The following SYTL5 variants were observed in gnomAD, a reference collection of about 807,000 sequenced individuals.
SYTL5 encodes the protein synaptotagmin-like protein 5.
A neutral mutation model predicts 55.9 loss-of-function variants in SYTL5; 34 were observed. The ratio of observed to expected loss-of-function variants is 0.61; its 90% CI spans 0.46 to 0.81. The LOEUF is 0.81. Among genes scored for constraint, SYTL5 ranks in the 30% least tolerant of loss-of-function variants. The pLI, the probability that SYTL5 is intolerant of heterozygous loss-of-function variation, is 0.00. For missense variants in SYTL5, 637 were observed against 546.7 expected (o/e 1.17, Z -1.65); for synonymous variants, 221 against 188.7 (o/e 1.17, Z -1.40).
the SYTL5 span, among the ~76,000 whole-genome samples, chrX:37,973,982 T>C: frequency 9.0e-6 from 1 of 111,645 alleles, no homozygotes. Context: ...ATTTCACTTA[T>C]ATGTAGAATC....
intron 1 of SYTL5, among the ~76,000 whole-genome samples, chrX:38,019,200 C>A (rs943367521): frequency 8.9e-6 from 1 of 112,238 alleles, no homozygotes; most frequent in Non-Finnish European, 1.9e-5. Context: ...CACTCAGCCT[C>A]TTTCGCTGTG....
the SYTL5 span, among the ~76,000 whole-genome samples, chrX:37,960,024 G>T: frequency 9.0e-6 from 1 of 111,706 alleles, no homozygotes; most frequent in Non-Finnish European, 1.9e-5. Context: ...AGCATCTTGT[G>T]CCACAGCTGT....
In SYTL5 at chrX:38,126,797, A is replaced by G; in HGVS notation, c.*67A>G. 9.3e-7 allele frequency: 1 copy of G among 1,074,410 alleles called. No homozygotes were observed. The highest frequency in any genetic ancestry group is 1.3e-6 in the Non-Finnish European group (1 of 799,129). The allele number at this position is 1,074,410 out of a possible 1,213,427, so 88.5% of individuals were successfully genotyped here. The stretch of plus-strand genomic sequence containing the variant: ...GGCTGTCTTTTCCTACCATTAGCAA[A>G]CTGAGACCTGGGATTCTGCTTCCCT... On this transcript the variant is annotated 3_prime_UTR_variant, in exon 17 of 17. Coordinates refer to ENST00000297875, the MANE Select transcript of SYTL5 (RefSeq NM_138780.3).
intron 1 of SYTL5, among the ~76,000 whole-genome samples, chrX:38,030,768 G>C (rs1242994829): frequency 8.9e-6 from 1 of 112,322 alleles, no homozygotes; most frequent in Non-Finnish European, 1.9e-5. Flanking sequence ...GCATTGGGCA[G>C]TTTCCATTGC....
rs781238077 is a variant in SYTL5, at chrX:38,110,317, G to A, written c.1435-4G>A. 1.7e-5 allele frequency: 20 copies of A among 1,187,242 alleles called. No individual in the cohort carries two copies. Among genetic ancestry groups the A allele is most frequent in the Middle Eastern group, 2.3e-4 (1 of 4,293 alleles). On this transcript the variant is annotated splice_region_variant and splice_polypyrimidine_tract_variant and intron_variant, in intron 12 of 16. Transcript: ENST00000297875. Reference sequence around the variant, plus strand: ...GAGTGTAATGTTGTAAATCTCATTCGCAGTACACTATCAGCCATACCCAGC... The same window carrying A: ...GAGTGTAATGTTGTAAATCTCATTCACAGTACACTATCAGCCATACCCAGC...
At chrX:37,897,881 T>G in the SYTL5 span, among the ~76,000 whole-genome samples, 1 of 111,605 alleles carries the variant, frequency 9.0e-6, no homozygotes, top group African/African-American at 3.3e-5. Context: ...GCAGATTGCC[T>G]GAGCTCAGGA....
chrX:37,897,253 G>A, the SYTL5 span, among the ~76,000 whole-genome samples: 1 of 108,480 alleles, frequency 9.2e-6, no homozygotes, highest in African/African-American at 3.4e-5. Context: ...GTGAGGCCGA[G>A]GTGGGCAGAT....
chrX:38,061,153 T>C (rs1454990734), intron 3 of SYTL5, among the ~76,000 whole-genome samples: 1 of 112,334 alleles, frequency 8.9e-6, no homozygotes, highest in Non-Finnish European at 1.9e-5. Flanking sequence ...AACCCTTCTA[T>C]GACAACAACT....
At chrX:38,104,385 A>T (rs957747805) in intron 10 of SYTL5, among the ~76,000 whole-genome samples, 1 of 111,935 alleles carries the variant, frequency 8.9e-6, no homozygotes, top group African/African-American at 3.3e-5. Context: ...GACTGAGGAG[A>T]TAAGCGTTTT....
chrX:37,949,104 C>T, the SYTL5 span, among the ~76,000 whole-genome samples: 1 of 111,531 alleles, frequency 9.0e-6, no homozygotes, highest in African/African-American at 3.3e-5. Context: ...GACTCACTTT[C>T]CTATTCTCCC....
At chrX:38,063,911 C>G (rs1047230399) in intron 3 of SYTL5, among the ~76,000 whole-genome samples, 7 of 111,210 alleles carry the variant, frequency 6.3e-5, no homozygotes, top group African/African-American at 2.3e-4. Context: ...TGGTGGGATT[C>G]TTAAATCTGT....
chrX:37,962,418 G>A, the SYTL5 span, among the ~76,000 whole-genome samples: 112 of 109,967 alleles, frequency 1.0e-3, no homozygotes, highest in Non-Finnish European at 1.1e-4. Context: ...CTTTTTTATG[G>A]CTGCATAGTA....
the SYTL5 span, among the ~76,000 whole-genome samples, chrX:37,955,273 A>C: frequency 1.8e-5 from 2 of 112,220 alleles, no homozygotes. Context: ...GATTATTTAA[A>C]AACTGATGAT....
chrX:37,932,851 T>A, the SYTL5 span, among the ~76,000 whole-genome samples: 2 of 111,373 alleles, frequency 1.8e-5, no homozygotes, highest in Non-Finnish European at 3.8e-5. Flanking sequence ...ACCTTAGTGC[T>A]CTTTGATCTC....
At chrX:38,042,273 T>C (rs1935309061) in intron 2 of SYTL5, among the ~76,000 whole-genome samples, 1 of 110,240 alleles carries the variant, frequency 9.1e-6, no homozygotes, top group Non-Finnish European at 1.9e-5. Context: ...CAGTATAGGC[T>C]GGGGATTGGT....
chrX:37,932,688 A>G, the SYTL5 span, among the ~76,000 whole-genome samples: 1 of 111,953 alleles, frequency 8.9e-6, no homozygotes. Flanking sequence ...ACTAGTGGCT[A>G]AAAATAATTA....
chrX:37,910,460 G>A, the SYTL5 span, among the ~76,000 whole-genome samples: 1,584 of 112,128 alleles, frequency 0.014, 16 homozygotes, highest in Middle Eastern at 0.042. Context: ...TGTGAATTTG[G>A]GGGAGACACA....
chrX:38,057,990 T>A (rs1935838625), intron 3 of SYTL5, among the ~76,000 whole-genome samples: 1 of 110,868 alleles, frequency 9.0e-6, no homozygotes, highest in African/African-American at 3.3e-5. Flanking sequence ...ACTAGAGGGA[T>A]TTTTTTCTGA....
In SYTL5 at chrX:38,033,735, CT is replaced by C; in HGVS notation, c.-154del. On this transcript the variant is annotated 5_prime_UTR_variant, in exon 2 of 17. An upstream open reading frame in the 5' UTR loses its in-frame stop. Coordinates refer to ENST00000297875, the MANE Select transcript of SYTL5 (RefSeq NM_138780.3). Reference sequence around the variant, plus strand: ...ACGTATAGCCTGAAAGAATACTTAACTACCATACGCAATTCTGCAGAGACCT... The same window carrying C: ...ACGTATAGCCTGAAAGAATACTTAACACCATACGCAATTCTGCAGAGACCT... 1 of 341,222 alleles carries C rather than the reference CT, an allele frequency of 2.9e-6. No individual in the cohort carries two copies. Among genetic ancestry groups the C allele is most frequent in the South Asian group, 8.4e-5 (1 of 11,880 alleles). 28.1% of individuals were successfully genotyped at this position (341,222 alleles called of 1,213,427 possible). A position where few individuals can be genotyped will look rare whatever the true frequency, so the allele number is the denominator to read the frequency against.
Sources: allele counts gnomAD v4.1 joint callset (sites outside exome capture counted in the v4.1 genomes callset), GRCh38; gene constraint gnomAD v4.1.1; transcripts MANE v1.5; gene names NCBI Gene and HGNC (gene_info 2026-07-23, HGNC 2026-07-21).